The following GRM7 variants were observed in gnomAD, a reference collection of about 807,000 sequenced individuals.
The protein encoded by GRM7 is glutamate metabotropic receptor 7.
In GRM7, 35 loss-of-function variants were observed where a neutral mutation model predicts 84.5. The observed-to-expected ratio is 0.41, with a 90% confidence interval of 0.32 to 0.55. The LOEUF is 0.55. Among genes scored for constraint, GRM7 ranks in the 20% least tolerant of loss-of-function variants. GRM7 has a pLI of 0.19. For missense variants in GRM7, 1,003 were observed against 1,194.6 expected (o/e 0.84, Z 2.36); for synonymous variants, 487 against 455.1 (o/e 1.07, Z -0.89).
rs1345125800 is a variant in GRM7, at chr3:7,021,107, C to A, written c.520-125345C>A. Reference sequence around the variant, plus strand: ...TTCATGACACCTTATTATCTTTGAGCTATTAAATATACTTTCTCTCTCCTC... The same window carrying A: ...TTCATGACACCTTATTATCTTTGAGATATTAAATATACTTTCTCTCTCCTC... On this transcript the variant is annotated intron_variant, in intron 1 of 9. Coordinates refer to ENST00000357716, the MANE Select transcript of GRM7 (RefSeq NM_000844.4). 2.6e-5 allele frequency among the ~76,000 whole-genome samples: 4 copies of A among 152,284 alleles called. No homozygotes were observed. The East Asian group carries it at 7.7e-4, about 29-fold the overall frequency.
chr3:7,585,810 C>A (rs1331479663), intron 8 of GRM7, among the ~76,000 whole-genome samples: 1 of 152,166 alleles, frequency 6.6e-6, no homozygotes, highest in African/African-American at 2.4e-5. Context: ...CTCTCATTTT[C>A]AGAAAGAATC....
At chr3:6,979,907 A>G (rs1233855591) in intron 1 of GRM7, among the ~76,000 whole-genome samples, 2 of 152,158 alleles carry the variant, frequency 1.3e-5, no homozygotes, top group Admixed American at 6.5e-5. Flanking sequence ...TTTCTCCAAT[A>G]TATACTGATG....
At chr3:7,368,975 C>A (rs1694023673) in intron 4 of GRM7, among the ~76,000 whole-genome samples, 16 of 109,688 alleles carry the variant, frequency 1.5e-4, no homozygotes, top group Admixed American at 1.4e-3. Flanking sequence ...AAATTTTATT[C>A]AATTCCAGTC....
intron 4 of GRM7, among the ~76,000 whole-genome samples, chr3:7,338,829 G>C (rs1701525497): frequency 6.6e-6 from 1 of 151,896 alleles, no homozygotes. Flanking sequence ...ATCTCCCTTT[G>C]GTTTCATGAT....
chr3:7,056,042 A>G (rs202066330), intron 1 of GRM7, among the ~76,000 whole-genome samples: 5 of 151,986 alleles, frequency 3.3e-5, no homozygotes, highest in Non-Finnish European at 5.9e-5. Context: ...AGGCCTTCAC[A>G]CAACAACAAT....
At chr3:6,878,069 C>G (rs2124956443) in intron 1 of GRM7, among the ~76,000 whole-genome samples, 1 of 152,136 alleles carries the variant, frequency 6.6e-6, no homozygotes, top group Admixed American at 6.5e-5. Flanking sequence ...TACAGCATGT[C>G]CCAAATGTCT....
At chr3:7,679,280 G>A (rs1211679254) in intron 8 of GRM7, among the ~76,000 whole-genome samples, 4 of 152,132 alleles carry the variant, frequency 2.6e-5, no homozygotes, top group Admixed American at 6.5e-5. Flanking sequence ...CCAAATGGAC[G>A]GAACCCTGGG....
rs1694289079 is a variant in GRM7, at chr3:7,151,564, T to C, written c.736+4896T>C. The stretch of plus-strand genomic sequence containing the variant: ...TTGCCCATTGTTAGTCTTTGCCAAT[T>C]TACTTTAAGCTCCATAAGGGCAAGG... On this transcript the variant is annotated intron_variant, in intron 2 of 9. Coordinates refer to ENST00000357716, the MANE Select transcript of GRM7 (RefSeq NM_000844.4). The surrounding 1 kb of genome is among the most constrained non-coding windows in gnomAD (Gnocchi z 4.5). 6.6e-6 allele frequency among the ~76,000 whole-genome samples: 1 copy of C among 152,206 alleles called. No individual in the cohort carries two copies. The highest frequency in any genetic ancestry group is 1.5e-5 in the Non-Finnish European group (1 of 68,036).
At chr3:7,460,474 G>A (rs896874445) in intron 6 of GRM7, among the ~76,000 whole-genome samples, 4 of 152,046 alleles carry the variant, frequency 2.6e-5, no homozygotes, top group African/African-American at 9.7e-5. Context: ...TTGCTTTGGT[G>A]CCATCAATTT....
chr3:7,089,088 T>A (rs1186243242), intron 1 of GRM7, among the ~76,000 whole-genome samples: 1 of 152,200 alleles, frequency 6.6e-6, no homozygotes, highest in African/African-American at 2.4e-5. Context: ...CTCTCTGTTT[T>A]CTAATCATTT....
At chr3:7,560,930 A>G (rs2125036181) in intron 7 of GRM7, among the ~76,000 whole-genome samples, 1 of 152,288 alleles carries the variant, frequency 6.6e-6, no homozygotes, top group African/African-American at 2.4e-5. Flanking sequence ...CAATTCGTTC[A>G]ACAATTTTAT....
At chr3:6,949,154 T>C (rs1033506655) in intron 1 of GRM7, among the ~76,000 whole-genome samples, 2 of 152,358 alleles carry the variant, frequency 1.3e-5, no homozygotes, top group Admixed American at 6.5e-5. Flanking sequence ...CTAGCCTCGA[T>C]GGTCTTTACA....
chr3:7,284,117 G>C (rs7638746), intron 2 of GRM7, among the ~76,000 whole-genome samples: 136,880 of 152,226 alleles, frequency 0.9, 61,824 homozygotes, highest in East Asian at 1. Context: ...GAAAAATAAG[G>C]TTTGAAGGAA....
intron 2 of GRM7, among the ~76,000 whole-genome samples, chr3:7,252,823 C>T (rs969346389): frequency 1.3e-5 from 2 of 150,870 alleles, no homozygotes; most frequent in South Asian, 2.1e-4. Flanking sequence ...AGAGTAGCTG[C>T]GACTATAGGC....
At chr3:6,983,022 T>A (rs902370261) in intron 1 of GRM7, among the ~76,000 whole-genome samples, 15 of 152,220 alleles carry the variant, frequency 9.9e-5, no homozygotes, top group African/African-American at 1.7e-4. Context: ...ACCATGGCTT[T>A]TGAAGAAAAA....
At chr3:7,135,203 C>T (rs1693733426) in intron 1 of GRM7, among the ~76,000 whole-genome samples, 1 of 152,164 alleles carries the variant, frequency 6.6e-6, no homozygotes, top group South Asian at 2.1e-4. Flanking sequence ...CCTGCCCAAC[C>T]ATCCTATGTG....
intron 1 of GRM7, among the ~76,000 whole-genome samples, chr3:7,044,767 C>T (rs1297627182): frequency 6.6e-6 from 1 of 152,056 alleles, no homozygotes; most frequent in Non-Finnish European, 1.5e-5. Flanking sequence ...TGAGGCTGGG[C>T]AATTTCAGTA....
At chr3:7,696,768 G>A (rs1431991964) in intron 9 of GRM7, among the ~76,000 whole-genome samples, 1 of 152,158 alleles carries the variant, frequency 6.6e-6, no homozygotes, top group Non-Finnish European at 1.5e-5. Flanking sequence ...AACAGTACAG[G>A]CAAAGGACTG....
chr3:7,462,564 A>G (rs1413619247), intron 7 of GRM7, among the ~76,000 whole-genome samples: 1 of 152,144 alleles, frequency 6.6e-6, no homozygotes, highest in African/African-American at 2.4e-5. Flanking sequence ...ATTAATCTAT[A>G]CCTTAGGAGG....
Sources: gnomAD v4.1 joint callset for allele counts (sites outside exome capture counted in the v4.1 genomes callset) on GRCh38, gnomAD v4.1.1 for gene constraint, Gnocchi (gnomAD v3.1) non-coding constraint, MANE v1.5 for transcripts, NCBI Gene and HGNC (gene_info 2026-07-23, HGNC 2026-07-21) for gene names.